Variants in TRHDE observed in about 807,000 individuals in gnomAD.
The protein encoded by TRHDE is thyrotropin-releasing hormone-degrading ectoenzyme.
TRHDE carries 72 observed loss-of-function variants against 125.7 expected under a neutral mutation model. The ratio of observed to expected loss-of-function variants is 0.57; its 90% CI spans 0.47 to 0.70. The LOEUF (loss-of-function observed/expected upper bound fraction) is 0.70, where lower values mean the gene tolerates loss of function less well. TRHDE is among the 30% of genes least tolerant of loss of function. The pLI, the probability that TRHDE is intolerant of heterozygous loss-of-function variation, is 0.00. For missense variants in TRHDE, 1,110 were observed against 1,327.1 expected (o/e 0.84, Z 2.54); for synonymous variants, 509 against 509.1 (o/e 1.00, Z 0.00).
intron 3 of TRHDE, among the ~76,000 whole-genome samples, chr12:72,418,627 T>C (rs1039896906): frequency 6.6e-6 from 1 of 152,018 alleles, no homozygotes; most frequent in African/African-American, 2.4e-5. Context: ...GATTTCCCCA[T>C]CTTTTAAGGG....
At chr12:72,341,911 G>A (rs1463830628) in intron 2 of TRHDE, among the ~76,000 whole-genome samples, 2 of 152,056 alleles carry the variant, frequency 1.3e-5, no homozygotes, top group Non-Finnish European at 2.9e-5. Flanking sequence ...TATTCAGAAG[G>A]AATGTTTGAA....
chr12:72,154,225 C>A (rs1276291782), intron 2 of TRHDE, among the ~76,000 whole-genome samples: 1 of 151,936 alleles, frequency 6.6e-6, no homozygotes, highest in Admixed American at 6.6e-5. Flanking sequence ...CAACCCCTGC[C>A]TTTTTTTGTT....
chr12:72,488,770 G>A (rs1414314340), intron 5 of TRHDE, among the ~76,000 whole-genome samples: 3 of 151,768 alleles, frequency 2.0e-5, no homozygotes, highest in African/African-American at 7.3e-5. Context: ...ACAAGTCTTA[G>A]AAAACTTAAG....
chr12:72,249,504 T>C (rs1243743415), intron 2 of TRHDE, among the ~76,000 whole-genome samples: 2 of 152,118 alleles, frequency 1.3e-5, no homozygotes, highest in East Asian at 1.9e-4. Flanking sequence ...CTGGGAAATA[T>C]AGTGAGAACT....
At chr12:72,581,220 A>T (rs561097070) in intron 12 of TRHDE, among the ~76,000 whole-genome samples, 2 of 152,370 alleles carry the variant, frequency 1.3e-5, no homozygotes, top group South Asian at 4.1e-4. Context: ...TTTATCAGTT[A>T]TTATATGATA....
chr12:72,127,509 T>C (rs965893194), intron 2 of TRHDE, among the ~76,000 whole-genome samples: 2 of 152,184 alleles, frequency 1.3e-5, no homozygotes, highest in African/African-American at 4.8e-5. Flanking sequence ...GCAGCCATGA[T>C]AAAAATGAAA....
chr12:72,542,526 A>C (rs1391313663), intron 7 of TRHDE, among the ~76,000 whole-genome samples, 170 bp downstream of exon 7: 1 of 151,356 alleles, frequency 6.6e-6, no homozygotes, highest in Non-Finnish European at 1.5e-5. Flanking sequence ...GATACTCACG[A>C]TATCAACTGA....
chr12:72,610,602 T>G (rs969696702), intron 12 of TRHDE: 5 of 152,208 alleles, frequency 3.3e-5, no homozygotes, highest in African/African-American at 1.2e-4. Context: ...TGCGTGTGTG[T>G]GTGTGTGCAC....
At chr12:72,286,551 T>C in intron 1 of TRHDE, 130 bp from the exon 2 acceptor site, 2 of 832,424 alleles carry the variant, frequency 2.4e-6, no homozygotes, top group Non-Finnish European at 3.7e-6. Context: ...ATTCATGCAC[T>C]TAAGTTTGGT....
chr12:72,167,493 T>G (rs928454618), intron 2 of TRHDE: 1 of 152,196 alleles, frequency 6.6e-6, no homozygotes, highest in Non-Finnish European at 1.5e-5. Context: ...TTATTTGCAG[T>G]ATCCCACACA....
chr12:72,637,094 G>T (rs925944671), intron 15 of TRHDE, among the ~76,000 whole-genome samples: 103 of 152,214 alleles, frequency 6.8e-4, no homozygotes, highest in Non-Finnish European at 1.2e-3. Flanking sequence ...GTTCCTCCTT[G>T]TACCTCTGGT....
chr12:72,091,095 A>C (rs1275530547), intron 1 of TRHDE, among the ~76,000 whole-genome samples: 2 of 152,078 alleles, frequency 1.3e-5, no homozygotes, highest in Non-Finnish European at 2.9e-5. Context: ...GCTGGTGTCA[A>C]ACTCCTGGGC....
chr12:72,425,730 T>C (rs1482073897), intron 3 of TRHDE, among the ~76,000 whole-genome samples: 2 of 152,106 alleles, frequency 1.3e-5, no homozygotes, highest in Non-Finnish European at 2.9e-5. Context: ...AATACCTTGA[T>C]ACTGCCTCTT....
chr12:72,220,924 T>G (rs925297508), intron 2 of TRHDE, among the ~76,000 whole-genome samples: 1 of 152,098 alleles, frequency 6.6e-6, no homozygotes, highest in African/African-American at 2.4e-5. Flanking sequence ...TAAATAAATA[T>G]AACAACTTTT....
rs1361108903 is a variant in TRHDE, at chr12:72,404,619, A to G, written c.1315+26498A>G. Among the ~76,000 whole-genome samples, 6 of 152,166 alleles carry G rather than the reference A, an allele frequency of 3.9e-5. No individual in the cohort carries two copies. In the East Asian group the frequency reaches 1.2e-3, roughly 29 times the overall value. The stretch of plus-strand genomic sequence containing the variant: ...GGTGGCTGGCAAAAAGAGTTTATGC[A>G]GGGAAACTCCTCTTTATAAAACCAT... On this transcript the variant is annotated intron_variant, in intron 3 of 18. Coordinates refer to ENST00000261180, the MANE Select transcript of TRHDE (RefSeq NM_013381.3).
At chr12:72,641,535 C>G (rs923423310) in intron 15 of TRHDE, among the ~76,000 whole-genome samples, 3 of 152,146 alleles carry the variant, frequency 2.0e-5, no homozygotes, top group Non-Finnish European at 2.9e-5. Flanking sequence ...TGGTATTATA[C>G]ATATTATTCA....
chr12:72,663,400 G>T lies in TRHDE; in HGVS notation c.*205G>T. 1 of 399,872 alleles carries T rather than the reference G, an allele frequency of 2.5e-6. No homozygotes were observed. Among genetic ancestry groups the T allele is most frequent in the East Asian group, 4.2e-5 (1 of 24,072 alleles). 24.8% of individuals were successfully genotyped at this position (399,872 alleles called of 1,614,324 possible). ...TCATTCTGTTCTGTTTCTCTACTGGGTGTTCCTCTCTAAAGAAACTCTTGC... is the reference window on the plus strand; with the variant it reads ...TCATTCTGTTCTGTTTCTCTACTGGTTGTTCCTCTCTAAAGAAACTCTTGC... On this transcript the variant is annotated 3_prime_UTR_variant, in exon 19 of 19. Transcript: ENST00000261180.
chr12:72,645,832 A>G (rs1220064737), intron 15 of TRHDE, among the ~76,000 whole-genome samples: 1 of 152,106 alleles, frequency 6.6e-6, no homozygotes, highest in Non-Finnish European at 1.5e-5. Context: ...TGCTGAAAGG[A>G]AAAAGAAAAT....
upstream of TRHDE, among the ~76,000 whole-genome samples, chr12:72,271,213 A>C (rs954708319): frequency 1.2e-4 from 19 of 152,314 alleles, no homozygotes; most frequent in African/African-American, 4.6e-4. Flanking sequence ...CATTGCTAAC[A>C]TTATTTTAGT....
Sources: allele counts gnomAD v4.1 joint callset (sites outside exome capture counted in the v4.1 genomes callset), GRCh38; gene constraint gnomAD v4.1.1; transcripts MANE v1.5; gene names NCBI Gene and HGNC (gene_info 2026-07-23, HGNC 2026-07-21).